BAZ2B: variants seen among roughly 807,000 people sequenced by gnomAD.
The protein encoded by BAZ2B is bromodomain adjacent to zinc finger domain 2B.
BAZ2B carries 91 observed loss-of-function variants against 246.0 expected under a neutral mutation model. The observed-to-expected ratio is 0.37, with a 90% CI of 0.31 to 0.44. The LOEUF (loss-of-function observed/expected upper bound fraction) is 0.44, where lower values mean the gene tolerates loss of function less well. Among genes scored for constraint, BAZ2B ranks in the 20% least tolerant of loss-of-function variants. BAZ2B has a pLI of 1.00. For missense variants in BAZ2B, 2,332 were observed against 2,533.7 expected (o/e 0.92, Z 1.71); for synonymous variants, 855 against 860.0 (o/e 0.99, Z 0.10).
At chr2:159,580,523 T>A (rs1428631587) in intron 1 of BAZ2B, among the ~76,000 whole-genome samples, 2 of 152,118 alleles carry the variant, frequency 1.3e-5, no homozygotes, top group African/African-American at 4.8e-5. Context: ...ACCATCCCCA[T>A]CAAGCTACCA....
intron 1 of BAZ2B, among the ~76,000 whole-genome samples, chr2:159,573,583 T>C (rs1427881959): frequency 6.6e-6 from 1 of 152,078 alleles, no homozygotes; most frequent in African/African-American, 2.4e-5. Flanking sequence ...AAGGCGTAAA[T>C]CTTCTTGACC....
chr2:159,468,810 C>T (rs1176102552), intron 3 of BAZ2B, among the ~76,000 whole-genome samples: 7 of 151,894 alleles, frequency 4.6e-5, no homozygotes, highest in Non-Finnish European at 8.8e-5. Flanking sequence ...TTTGGGAGGC[C>T]GAGGCGGGTG....
the BAZ2B span, among the ~76,000 whole-genome samples, chr2:159,687,863 C>CAGCATCAGA: frequency 6.6e-6 from 1 of 152,130 alleles, no homozygotes; most frequent in South Asian, 2.1e-4. Context: ...GATGCTAACT[C>CAGCATCAGA]TAGGTGGATA....
At chr2:159,476,440 T>A (rs1472624311) in intron 3 of BAZ2B, among the ~76,000 whole-genome samples, 1 of 152,100 alleles carries the variant, frequency 6.6e-6, no homozygotes, top group African/African-American at 2.4e-5. Context: ...AAAAAACGCA[T>A]CCCTTTCTAG....
chr2:159,676,680 C>CACACACACACACAG, the BAZ2B span, among the ~76,000 whole-genome samples: 2 of 149,422 alleles, frequency 1.3e-5, no homozygotes, highest in African/African-American at 2.5e-5. Context: ...CACACACACA[C>CACACACACACACAG]AGAGTTGTTT....
At chr2:159,698,935 CCAGATAATTACTACTTAA>C in the BAZ2B span, among the ~76,000 whole-genome samples, 1 of 152,146 alleles carries the variant, frequency 6.6e-6, no homozygotes, top group Non-Finnish European at 1.5e-5. Context: ...TGCACTGCTA[CCAGATAATTACTACTTAA>C]CTTCTTTAAG....
chr2:159,357,287 T>C (rs1314211064), intron 27 of BAZ2B, among the ~76,000 whole-genome samples: 2 of 151,874 alleles, frequency 1.3e-5, no homozygotes, highest in African/African-American at 4.8e-5. Flanking sequence ...ATAAATGACC[T>C]GATGGAGCTG....
chr2:159,347,596 T>C lies in BAZ2B; in HGVS notation c.5344A>G (p.Ile1782Val). Residue 1782 changes from isoleucine to valine, a missense_variant, in exon 31 of 37, where the codon ATT (isoleucine) becomes GTT (valine). Ile to Val is a conservative substitution (Grantham distance 29, BLOSUM62 3). Coordinates refer to ENST00000392783, the MANE Select transcript of BAZ2B (RefSeq NM_013450.4). Reference protein sequence around the residue: ...ENEENQVTRDIVENWSVEEQA... With the variant: ...ENEENQVTRDVVENWSVEEQA... ...TCTTCTACTGACCAGTTCTCCACAA[T>C]ATCTCGAGTTACTTGGTTTTCTTCA... 1.9e-6 allele frequency: 3 copies of C among 1,612,672 alleles called. No individual in the cohort carries two copies. The highest frequency in any genetic ancestry group is 2.5e-6 in the Non-Finnish European group (3 of 1,178,930).
intron 2 of BAZ2B, among the ~76,000 whole-genome samples, chr2:159,547,326 T>A (rs1469329484): frequency 6.6e-6 from 1 of 152,172 alleles, no homozygotes; most frequent in East Asian, 1.9e-4. Context: ...TAGTTAAACT[T>A]TTTTAACATT....
chr2:159,472,529 G>C (rs923154476), intron 3 of BAZ2B, among the ~76,000 whole-genome samples: 4 of 152,332 alleles, frequency 2.6e-5, no homozygotes, highest in Middle Eastern at 6.8e-3. Flanking sequence ...ATTTTGAATA[G>C]GAGTGGTGAG....
At chr2:159,473,457 T>C (rs2078096465) in intron 3 of BAZ2B, among the ~76,000 whole-genome samples, 1 of 152,254 alleles carries the variant, frequency 6.6e-6, no homozygotes, top group Non-Finnish European at 1.5e-5. Context: ...TTCTTCTCTC[T>C]ATTTTTTATT....
the BAZ2B span, among the ~76,000 whole-genome samples, chr2:159,697,133 T>A: frequency 6.6e-6 from 1 of 152,276 alleles, no homozygotes; most frequent in Admixed American, 6.5e-5. Flanking sequence ...TTTCAGAGGA[T>A]GTGTGAGGAT....
chr2:159,469,459 C>T (rs995617526), intron 3 of BAZ2B, among the ~76,000 whole-genome samples: 13 of 151,722 alleles, frequency 8.6e-5, no homozygotes, highest in South Asian at 6.3e-4. Context: ...TTTTTGAGAC[C>T]GAGTCTCGCT....
chr2:159,710,563 T>C, the BAZ2B span, among the ~76,000 whole-genome samples: 1 of 152,204 alleles, frequency 6.6e-6, no homozygotes, highest in Non-Finnish European at 1.5e-5. Flanking sequence ...TCATGATAAT[T>C]ACCTGAATAC....
At chr2:159,632,399 T>C in the BAZ2B span, among the ~76,000 whole-genome samples, 8 of 152,200 alleles carry the variant, frequency 5.3e-5, no homozygotes, top group East Asian at 9.6e-4. Flanking sequence ...GGTTATTAAA[T>C]AGTCATTACC....
chr2:159,646,803 A>G, the BAZ2B span, among the ~76,000 whole-genome samples: 2 of 152,278 alleles, frequency 1.3e-5, 1 homozygote, highest in East Asian at 3.9e-4. Context: ...ATACTAGAAC[A>G]TAATTCAAAC....
intron 4 of BAZ2B, among the ~76,000 whole-genome samples, chr2:159,451,625 G>A (rs1479229586): frequency 6.6e-6 from 1 of 152,120 alleles, no homozygotes; most frequent in African/African-American, 2.4e-5. Context: ...CCTAAAAACT[G>A]TAAGCAACAT....
the BAZ2B span, among the ~76,000 whole-genome samples, chr2:159,685,573 T>A: frequency 3.3e-5 from 5 of 151,970 alleles, no homozygotes. Flanking sequence ...AAGCATCTTG[T>A]AGTACCAGAA....
At chr2:159,545,796 C>T (rs142485833) in intron 2 of BAZ2B, among the ~76,000 whole-genome samples, 2 of 152,280 alleles carry the variant, frequency 1.3e-5, no homozygotes, top group East Asian at 3.9e-4. Context: ...GACTCTGTAA[C>T]GTTTCTGAAA....
Sources: gnomAD v4.1 joint callset for allele counts (sites outside exome capture counted in the v4.1 genomes callset) on GRCh38, gnomAD v4.1.1 for gene constraint, MANE v1.5 for transcripts, NCBI Gene and HGNC (gene_info 2026-07-23, HGNC 2026-07-21) for gene names.